Variants in FBXO41 observed in about 807,000 individuals in gnomAD.
The protein encoded by FBXO41 is F-box protein 41, also known as F-box only protein 41.
Under a neutral mutation model 81.6 loss-of-function variants are expected in FBXO41, and 33 were observed. That is an observed-to-expected ratio of 0.40 (90% CI 0.31 to 0.54). The LOEUF is 0.54. Ranked by LOEUF, FBXO41 falls within the 20% of genes least tolerant of loss-of-function variation. The pLI is 0.39. For synonymous variants in FBXO41, 576 were observed against 552.7 expected (o/e 1.04, Z -0.59); for missense variants, 1,107 against 1,236.0 (o/e 0.90, Z 1.56).
Position 73,269,710 on chromosome 2 carries a change from G to A in FBXO41, c.-80C>T. 9.7e-7 allele frequency: 1 copy of A among 1,034,470 alleles called. No individual in the cohort carries two copies. Among genetic ancestry groups the A allele is most frequent in the Non-Finnish European group, 1.2e-6 (1 of 843,824 alleles). 64.1% of individuals were successfully genotyped at this position (1,034,470 alleles called of 1,614,324 possible). ...CCGGGCGCGCTCATGGGGGACCGCGGGCGAGGCCCCCTGCGGGGTCAGGAA... is the reference window on the plus strand; with the variant it reads ...CCGGGCGCGCTCATGGGGGACCGCGAGCGAGGCCCCCTGCGGGGTCAGGAA... On this transcript the variant is annotated 5_prime_UTR_variant, in exon 2 of 13. Coordinates refer to ENST00000520530, the MANE Select transcript of FBXO41 (RefSeq NM_001371389.2). This position sits in a 1 kb window ranked among gnomAD's most constrained non-coding sequence, Gnocchi z 7.0.
intron 1 of FBXO41, among the ~76,000 whole-genome samples, chr2:73,272,787 G>A (rs1435637846): frequency 1.3e-5 from 2 of 152,180 alleles, no homozygotes; most frequent in African/African-American, 4.8e-5. Context: ...TTTCATAGAG[G>A]TCTCTAGCTT....
At position 73,269,596 on chromosome 2, in the gene FBXO41, CG is replaced by C. The variant is rs1386740728; in HGVS notation, c.34del (p.Arg12AlafsTer211). 7 of 1,311,588 alleles carry C rather than the reference CG, an allele frequency of 5.3e-6. No individual in the cohort carries two copies. The highest frequency in any genetic ancestry group is 3.4e-5 in the South Asian group (2 of 58,608). The allele number at this position is 1,311,588 out of a possible 1,614,324, so 81.2% of individuals were successfully genotyped here. The stretch of plus-strand genomic sequence containing the variant: ...CCGGAAGCGCTTGTGCTCCCCGCAG[CG>C]GGGGCAGCGGTACGGCAGGTCCAGC... ...ASLDLPYRCP[R>X]CGEHKRFRSL... On this transcript the variant is annotated frameshift_variant, in exon 2 of 13. Transcript: ENST00000520530. LOFTEE classifies it high-confidence loss of function. The surrounding 1 kb of genome is among the most constrained non-coding windows in gnomAD (Gnocchi z 7.0).
intron 1 of FBXO41, chr2:73,270,718 A>C (rs1465392911): frequency 2.0e-6 from 1 of 496,634 alleles, no homozygotes; most frequent in Non-Finnish European, 4.1e-6. Flanking sequence ...CCCCCCACCA[A>C]TTCTGGCATC....
At chr2:73,271,702 C>T (rs1688505742) in intron 1 of FBXO41, among the ~76,000 whole-genome samples, 1 of 148,572 alleles carries the variant, frequency 6.7e-6, no homozygotes, top group African/African-American at 2.5e-5. Flanking sequence ...GCAGTCTCGG[C>T]TCACTACAAC....
Position 73,269,591 on chromosome 2 carries a change from C to G in FBXO41, c.40G>C (p.Gly14Arg). The G allele has an allele frequency of 7.6e-7, 1 of 1,319,356 alleles. No individual in the cohort carries two copies. The highest frequency in any genetic ancestry group is 1.7e-5 in the South Asian group (1 of 60,118). The allele number at this position is 1,319,356 out of a possible 1,614,324, so 81.7% of individuals were successfully genotyped here. A position where few individuals can be genotyped will look rare whatever the true frequency, so the allele number is the denominator to read the frequency against. Residue 14 changes from glycine (G) to arginine (R), a missense_variant, in exon 2 of 13, where the codon GGG becomes CGG. Physicochemically the swap from Gly to Arg is moderately radical, Grantham distance 125. This residue lies in a region of FBXO41 where 771 missense variants were observed against 789.2 expected (regional missense o/e 0.98). Transcript: ENST00000520530. The surrounding 1 kb of genome is among the most constrained non-coding windows in gnomAD (Gnocchi z 7.0). ...LDLPYRCPRC[G>R]EHKRFRSLSS... Reference sequence around the variant, plus strand: ...AGGCTCCGGAAGCGCTTGTGCTCCCCGCAGCGGGGGCAGCGGTACGGCAGG... The same window carrying G: ...AGGCTCCGGAAGCGCTTGTGCTCCCGGCAGCGGGGGCAGCGGTACGGCAGG...
rs572374267 is a variant in FBXO41, at chr2:73,270,541, A to G, written c.-138-773T>C. Among the ~76,000 whole-genome samples, 9 of 152,132 alleles carry G rather than the reference A, an allele frequency of 5.9e-5. No homozygotes were observed. The South Asian group carries it at 1.9e-3, about 32-fold the overall frequency. On this transcript the variant is annotated intron_variant, in intron 1 of 12. Transcript: ENST00000520530. The stretch of plus-strand genomic sequence containing the variant: ...ATGTGTCGCTGTTTGTTCTGTCCCG[A>G]CTTCTGCACCACATCCTCCTATCCC...
In FBXO41 at chr2:73,276,560, CAGAGAGAGAG is replaced by C. The variant is rs533998261; in HGVS notation, c.-138-6802_-138-6793del. On this transcript the variant is annotated intron_variant, in intron 1 of 12. Transcript: ENST00000520530. ...TAAACAGCTCTCTGGCAAATCTATT[CAGAGAGAGAG>C]AGAGAGAGAGAGAGAGAGAGAGAGA... Among the ~76,000 whole-genome samples, 91 of 106,468 alleles carry C rather than the reference CAGAGAGAGAG, an allele frequency of 8.5e-4. 1 individual carries two copies. The highest frequency in any genetic ancestry group is 2.8e-3 in the South Asian group (8 of 2,820). The allele number at this position is 106,468 out of a possible 152,430, so 69.8% of individuals were successfully genotyped here.
At chr2:73,278,944 G>A (rs1055926202) in intron 1 of FBXO41, among the ~76,000 whole-genome samples, 3 of 152,302 alleles carry the variant, frequency 2.0e-5, no homozygotes, top group African/African-American at 7.2e-5. Context: ...GGTGCTCATG[G>A]GGTAGTGTTT....
intron 1 of FBXO41, among the ~76,000 whole-genome samples, chr2:73,281,071 T>TTGCTCTA (rs1688833321): frequency 6.6e-6 from 1 of 152,144 alleles, no homozygotes; most frequent in Non-Finnish European, 1.5e-5. Context: ...TGCTGCAGCT[T>TTGCTCTA]TGCTCTAGCT....
Position 73,279,273 on chromosome 2 carries a change from G to A in FBXO41, c.-139+4887C>T, listed in dbSNP as rs189506990. ...AAATGGAGGAAGGCAAGTTTTGAAG[G>A]GAGATAATTTTGGCTGTGGATTCCA... On this transcript the variant is annotated intron_variant, in intron 1 of 12. Coordinates refer to ENST00000520530, the MANE Select transcript of FBXO41 (RefSeq NM_001371389.2). Among the ~76,000 whole-genome samples, 13 of 152,284 alleles carry A rather than the reference G, an allele frequency of 8.5e-5. No individual in the cohort carries two copies. The East Asian group carries it at 2.1e-3, about 25-fold the overall frequency.
rs1418041413 is a variant in FBXO41, at chr2:73,258,933, G to A, written c.*49C>T. 1 of 1,525,340 alleles carries A rather than the reference G, an allele frequency of 6.6e-7. No homozygotes were observed. The highest frequency in any genetic ancestry group is 8.8e-7 in the Non-Finnish European group (1 of 1,134,792). 94.5% of individuals were successfully genotyped at this position (1,525,340 alleles called of 1,614,324 possible). On this transcript the variant is annotated 3_prime_UTR_variant, in exon 13 of 13. Transcript: ENST00000520530. ...CCAGGGTCCCTCTGAGGTCCAAAGAGAGTGCCCTGGTGTGGGGCTGGCAGG... is the reference window on the plus strand; with the variant it reads ...CCAGGGTCCCTCTGAGGTCCAAAGAAAGTGCCCTGGTGTGGGGCTGGCAGG...
At position 73,256,219 on chromosome 2, in the gene FBXO41, G is replaced by C. The variant is rs1171029066; in HGVS notation, c.*2763C>G. The stretch of plus-strand genomic sequence containing the variant: ...TTGCATCTTACTGGGTATGAGATGT[G>C]AAGGGATCCCGTTTGGGTGGGTAAA... On this transcript the variant is annotated 3_prime_UTR_variant, in exon 13 of 13. Transcript: ENST00000520530. 1.3e-5 allele frequency: 2 copies of C among 152,306 alleles called. No homozygotes were observed. The highest frequency in any genetic ancestry group is 4.8e-5 in the African/African-American group (2 of 41,424). 9.4% of individuals were successfully genotyped at this position (152,306 alleles called of 1,614,324 possible). A position where few individuals can be genotyped will look rare whatever the true frequency, so the allele number is the denominator to read the frequency against.
At chr2:73,268,675 C>T in intron 2 of FBXO41, 51 bp downstream of exon 2, 1 of 1,453,650 alleles carries the variant, frequency 6.9e-7, no homozygotes, top group East Asian at 2.5e-5. Context: ...GGTGGTGGCA[C>T]AGTGACCCGC....
chr2:73,282,883 G>A (rs1558595520), intron 1 of FBXO41, among the ~76,000 whole-genome samples: 1 of 152,080 alleles, frequency 6.6e-6, no homozygotes, highest in Non-Finnish European at 1.5e-5. Context: ...CCTGCCTCCC[G>A]GTCCCCACCT....
chr2:73,279,321 C>T (rs1395995149), intron 1 of FBXO41, among the ~76,000 whole-genome samples: 2 of 151,980 alleles, frequency 1.3e-5, no homozygotes, highest in African/African-American at 4.8e-5. Flanking sequence ...TCCAGTGGGC[C>T]GTGGAAGTAG....
In FBXO41 at chr2:73,266,367, C is replaced by A; in HGVS notation, c.1131+90G>T. On this transcript the variant is annotated intron_variant, in intron 3 of 12. Transcript: ENST00000520530. This position sits in a 1 kb window ranked among gnomAD's most constrained non-coding sequence, Gnocchi z 5.3. ...AAAGCCAAAGAAGGGGCGAATGCGG[C>A]ATCATGGGGGAGATGTCCAGCCATG... 7.3e-7 allele frequency: 1 copy of A among 1,368,370 alleles called. No homozygotes were observed. Among genetic ancestry groups the A allele is most frequent in the South Asian group, 1.6e-5 (1 of 64,168 alleles). The allele number at this position is 1,368,370 out of a possible 1,614,324, so 84.8% of individuals were successfully genotyped here.
At chr2:73,268,658 C>T in intron 2 of FBXO41, 68 bp downstream of exon 2, 1 of 1,408,792 alleles carries the variant, frequency 7.1e-7, no homozygotes, top group Non-Finnish European at 9.4e-7. Context: ...GGCACGCCCA[C>T]GGTGGTGGTG....
rs1483373208 is a variant in FBXO41 at position 73,266,157 on chromosome 2, C to A, written c.1132-191G>T. 6.6e-6 allele frequency among the ~76,000 whole-genome samples: 1 copy of A among 152,174 alleles called. No individual in the cohort carries two copies. Among genetic ancestry groups the A allele is most frequent in the Non-Finnish European group, 1.5e-5 (1 of 68,028 alleles). On this transcript the variant is annotated intron_variant, in intron 3 of 12. Coordinates refer to ENST00000520530, the MANE Select transcript of FBXO41 (RefSeq NM_001371389.2). The surrounding 1 kb of genome is among the most constrained non-coding windows in gnomAD (Gnocchi z 5.3). ...AGAGGCAGGCTTACCAGCCCCTCCC[C>A]ACACCCACACAATACCCTGGACCCC...
At chr2:73,272,735 CCTT>C (rs1486278061) in intron 1 of FBXO41, among the ~76,000 whole-genome samples, 6 of 151,482 alleles carry the variant, frequency 4.0e-5, no homozygotes, top group African/African-American at 9.7e-5. Context: ...ACCCCTCCCT[CCTT>C]CTACACCACC....
Sources: allele counts gnomAD v4.1 joint callset (sites outside exome capture counted in the v4.1 genomes callset), GRCh38; gene constraint gnomAD v4.1.1; regional missense constraint gnomAD v4.1.1; non-coding constraint Gnocchi (gnomAD v3.1); transcripts MANE v1.5; gene names NCBI Gene and HGNC (gene_info 2026-07-23, HGNC 2026-07-21).